Variants in ARHGAP25 observed in about 807,000 individuals in gnomAD.
ARHGAP25 encodes Rho GTPase activating protein 25.
ARHGAP25 carries 34 observed loss-of-function variants against 71.0 expected under a neutral mutation model. The observed-to-expected ratio is 0.48, with a 90% confidence interval of 0.36 to 0.64. The LOEUF is 0.64. Ranked by LOEUF, ARHGAP25 falls within the 30% of genes least tolerant of loss-of-function variation. The pLI is 0.00. For synonymous variants in ARHGAP25, 282 were observed against 296.5 expected, an observed-to-expected ratio of 0.95 and a Z score of 0.50; for missense variants, 706 against 805.1, an observed-to-expected ratio of 0.88 and a Z score of 1.49.
At chr2:68,808,444 C>T (rs930436916) in intron 5 of ARHGAP25, among the ~76,000 whole-genome samples, 4 of 152,150 alleles carry the variant, frequency 2.6e-5, no homozygotes, top group African/African-American at 9.7e-5. Flanking sequence ...CCCATTTTTC[C>T]TCCAAAGCTT....
At position 68,725,035 on chromosome 2, in the gene ARHGAP25, A is replaced by G. The variant is rs539749538; in HGVS notation, c.-18+14337A>G. On this transcript the variant is annotated intron_variant and NMD_transcript_variant, in intron 2 of 7. Coordinates refer to the ARHGAP25 transcript ENST00000463483. ...GGGTGGCAGAGCCTTTGAGTAGAGA[A>G]CGATACTCCTTCCTTGGATGGCTGA... 1.1e-4 allele frequency among the ~76,000 whole-genome samples: 17 copies of G among 152,282 alleles called. No individual in the cohort carries two copies. The East Asian group carries it at 3.3e-3, about 29-fold the overall frequency.
chr2:68,788,043 A>C, intron 4 of ARHGAP25, 87 bp downstream of exon 4: 1 of 1,056,968 alleles, frequency 9.5e-7, no homozygotes, highest in Non-Finnish European at 1.5e-6. Context: ...CTCCTTGAGC[A>C]GTGCTCAAGG....
chr2:68,765,667 G>A (rs982905234), intron 1 of ARHGAP25, among the ~76,000 whole-genome samples: 1 of 152,002 alleles, frequency 6.6e-6, no homozygotes, highest in Non-Finnish European at 1.5e-5. Context: ...TCCTGATCAC[G>A]CCTAACAAAA....
chr2:68,789,715 C>T (rs1257131114), intron 4 of ARHGAP25, among the ~76,000 whole-genome samples: 1 of 152,138 alleles, frequency 6.6e-6, no homozygotes, highest in Non-Finnish European at 1.5e-5. Flanking sequence ...TAATCATGCA[C>T]CTGCTCTCTG....
intron 3 of ARHGAP25, among the ~76,000 whole-genome samples, chr2:68,785,075 G>A (rs1405688088): frequency 6.6e-6 from 1 of 152,178 alleles, no homozygotes; most frequent in East Asian, 1.9e-4. Context: ...GTTCAAGGAA[G>A]GTCAAGGAGG....
chr2:68,774,675 G>GGCCCATCAAGAT, intron 1 of ARHGAP25: 1 of 908,850 alleles, frequency 1.1e-6, no homozygotes, highest in South Asian at 4.4e-5. Context: ...TCCGCTGGAG[G>GGCCCATCAAGAT]GGGCCTGCGT....
At chr2:68,731,822 T>C (rs113516820), upstream of ARHGAP25, among the ~76,000 whole-genome samples, 1 of 148,910 alleles carries the variant, frequency 6.7e-6, no homozygotes, top group East Asian at 1.9e-4. Context: ...ACACCCCCCC[T>C]AGCTCCCTAC....
chr2:68,775,485 A>T, intron 2 of ARHGAP25, 65 bp downstream of exon 2: 1 of 1,608,728 alleles, frequency 6.2e-7, no homozygotes, highest in Non-Finnish European at 8.5e-7. Flanking sequence ...GCCCGCTGGG[A>T]TTTCACTTAA....
At chr2:68,721,301 C>T (rs573421262) in intron 2 of ARHGAP25, among the ~76,000 whole-genome samples, 72 of 152,216 alleles carry the variant, frequency 4.7e-4, no homozygotes, top group African/African-American at 1.6e-3. Flanking sequence ...TTGTAATGAT[C>T]GTATTGTATA....
At chr2:68,726,744 A>G (rs1674894314) in intron 2 of ARHGAP25, among the ~76,000 whole-genome samples, 1 of 152,178 alleles carries the variant, frequency 6.6e-6, no homozygotes, top group Admixed American at 6.5e-5. Context: ...GGTGCCTCCA[A>G]CTGACTGCTC....
At chr2:68,809,609 G>A (rs1333399800) in intron 5 of ARHGAP25, among the ~76,000 whole-genome samples, 1 of 152,110 alleles carries the variant, frequency 6.6e-6, no homozygotes, top group African/African-American at 2.4e-5. Flanking sequence ...AGAGTCAAGA[G>A]CAGACCAGGA....
intron 1 of ARHGAP25, among the ~76,000 whole-genome samples, chr2:68,744,841 T>A (rs1221204319): frequency 6.6e-6 from 1 of 152,212 alleles, no homozygotes; most frequent in African/African-American, 2.4e-5. Flanking sequence ...AACCCTGGAT[T>A]TAACCAGTTT....
intron 4 of ARHGAP25, among the ~76,000 whole-genome samples, chr2:68,799,965 A>G (rs779044551): frequency 1.3e-5 from 2 of 152,168 alleles, no homozygotes; most frequent in Non-Finnish European, 2.9e-5. Flanking sequence ...CGCGGTGGGA[A>G]CTGGGCTGTG....
chr2:68,816,111 T>C, intron 6 of ARHGAP25, 178 bp from the exon 7 acceptor site: 1 of 665,256 alleles, frequency 1.5e-6, no homozygotes, highest in Non-Finnish European at 2.7e-6. Context: ...AAAAAAATTC[T>C]GTGAGAATTG....
intron 1 of ARHGAP25, 125 bp downstream of exon 1, chr2:68,735,385 G>T (rs1230406534): frequency 8.8e-6 from 9 of 1,025,138 alleles, no homozygotes; most frequent in Non-Finnish European, 1.2e-5. Context: ...GAGTTTGAGG[G>T]ACCATTTGCA....
chr2:68,822,531 G>T lies in ARHGAP25; in HGVS notation c.1392G>T (p.Glu464Asp), dbSNP rs750417026. ...AFQGANSSKM[E>D]IFKNEFWSPS... ...AGGGTGCCAACAGCAGCAAAATGGA[G>T]ATCTTTAAAAATGAATTCTGGTCGC... The change falls in exon 10 of 11, where the codon GAG becomes GAT. Residue 464 changes from glutamate to aspartate, a missense_variant. Coordinates refer to ENST00000409202, the MANE Select transcript of ARHGAP25 (RefSeq NM_001007231.3). The T allele has an allele frequency of 1.9e-6, 3 of 1,614,108 alleles. No individual in the cohort carries two copies. Among genetic ancestry groups the T allele is most frequent in the Non-Finnish European group, 8.5e-7 (1 of 1,180,056 alleles).
chr2:68,806,929 T>A (rs922914788), intron 4 of ARHGAP25, among the ~76,000 whole-genome samples: 2 of 152,190 alleles, frequency 1.3e-5, no homozygotes, highest in African/African-American at 2.4e-5. Context: ...CTCAGTGTCT[T>A]TAACAGTAAG....
intron 1 of ARHGAP25, among the ~76,000 whole-genome samples, chr2:68,739,487 G>A (rs938398037): frequency 1.3e-5 from 2 of 152,196 alleles, no homozygotes; most frequent in African/African-American, 4.8e-5. Context: ...CACTATGGGG[G>A]TGTTGGAAAG....
intron 4 of ARHGAP25, among the ~76,000 whole-genome samples, chr2:68,799,887 A>G (rs1349762371): frequency 6.6e-6 from 1 of 152,054 alleles, no homozygotes; most frequent in Non-Finnish European, 1.5e-5. Flanking sequence ...GGGAGGAGGG[A>G]AGGCCTGAGG....
Sources: gnomAD v4.1 joint callset for allele counts (sites outside exome capture counted in the v4.1 genomes callset) on GRCh38, gnomAD v4.1.1 for gene constraint, MANE v1.5 for transcripts, NCBI Gene and HGNC (gene_info 2026-07-23, HGNC 2026-07-21) for gene names.